The following LRBA variants were observed in gnomAD, a reference collection of about 807,000 sequenced individuals.
The protein encoded by LRBA is LPS responsive beige-like anchor protein.
Under a neutral mutation model 330.0 loss-of-function variants are expected in LRBA, and 176 were observed. That is an observed-to-expected ratio of 0.53 (90% CI 0.47 to 0.60). The LOEUF (loss-of-function observed/expected upper bound fraction) is 0.60. LRBA is among the 20% of genes least tolerant of loss of function. LRBA has a pLI of 0.00. For missense variants in LRBA, 3,259 were observed against 3,444.8 expected (o/e 0.95, Z 1.35); for synonymous variants, 1,230 against 1,193.0 (o/e 1.03, Z -0.64).
chr4:150,813,596 C>T (rs971330724), intron 31 of LRBA, among the ~76,000 whole-genome samples: 3 of 151,868 alleles, frequency 2.0e-5, no homozygotes, highest in African/African-American at 7.3e-5. Flanking sequence ...AAAGCTTGGA[C>T]CTCATATAAA....
rs367716403 is a variant in LRBA at position 150,844,086 on chromosome 4, A to G, written c.4569+14T>C. On this transcript the variant is annotated intron_variant, in intron 28 of 56. Coordinates refer to ENST00000651943, the MANE Select transcript of LRBA (RefSeq NM_001364905.1). ...TCAGTTAAGAGAGTATGTGAAAGAC[A>G]TATTGTAACTTACTATGTCTCTGAA... 1.4e-6 allele frequency: 2 copies of G among 1,470,092 alleles called. No homozygotes were observed. The highest frequency in any genetic ancestry group is 1.9e-6 in the Non-Finnish European group (2 of 1,052,236). The allele number at this position is 1,470,092 out of a possible 1,614,324, so 91.1% of individuals were successfully genotyped here. A position where few individuals can be genotyped will look rare whatever the true frequency, so the allele number is the denominator to read the frequency against.
intron 48 of LRBA, among the ~76,000 whole-genome samples, chr4:150,334,249 G>T (rs1734344594): frequency 6.6e-6 from 1 of 151,774 alleles, no homozygotes; most frequent in Non-Finnish European, 1.5e-5. Flanking sequence ...TCAAGAAAAT[G>T]GATACACCAG....
At chr4:150,849,226 TA>T (rs1486268014) in intron 25 of LRBA, among the ~76,000 whole-genome samples, 195 bp downstream of exon 25, 2 of 152,182 alleles carry the variant, frequency 1.3e-5, no homozygotes, top group African/African-American at 4.8e-5. Context: ...AGCTGACTCA[TA>T]CTTAGGGAAT....
chr4:150,809,043 A>G (rs1483357153), intron 31 of LRBA, among the ~76,000 whole-genome samples: 2 of 152,338 alleles, frequency 1.3e-5, no homozygotes, highest in Non-Finnish European at 2.9e-5. Context: ...AAGCATCTGC[A>G]TCAGGCTGGA....
chr4:150,529,709 G>A (rs1402270375), intron 40 of LRBA, among the ~76,000 whole-genome samples: 3 of 146,834 alleles, frequency 2.0e-5, no homozygotes, highest in South Asian at 2.1e-4. Context: ...GCTACAGAGC[G>A]AGACTCCATC....
At chr4:150,961,301 T>A (rs910657583) in intron 2 of LRBA, among the ~76,000 whole-genome samples, 1 of 149,172 alleles carries the variant, frequency 6.7e-6, no homozygotes, top group Non-Finnish European at 1.5e-5. Context: ...GAGAATGTCC[T>A]TAAAAAGAAC....
chr4:150,684,830 A>C (rs1210618272), intron 36 of LRBA, among the ~76,000 whole-genome samples: 1 of 152,090 alleles, frequency 6.6e-6, no homozygotes, highest in African/African-American at 2.4e-5. Flanking sequence ...CGGAATATGC[A>C]TTGTGGATGC....
chr4:150,653,927 TA>T (rs1779937328), intron 37 of LRBA, among the ~76,000 whole-genome samples: 1 of 152,230 alleles, frequency 6.6e-6, no homozygotes, highest in Non-Finnish European at 1.5e-5. Flanking sequence ...AAGTTCAGAG[TA>T]ACAATAGCAA....
intron 40 of LRBA, among the ~76,000 whole-genome samples, chr4:150,540,944 A>C (rs2152224099): frequency 6.6e-6 from 1 of 152,346 alleles, no homozygotes; most frequent in South Asian, 2.1e-4. Flanking sequence ...GCTAATATAG[A>C]GCAGCGGAAA....
chr4:151,005,077 T>G (rs1743853659), intron 2 of LRBA, among the ~76,000 whole-genome samples: 1 of 150,772 alleles, frequency 6.6e-6, no homozygotes, highest in Non-Finnish European at 1.5e-5. Flanking sequence ...GATGTTAAAC[T>G]TACACAAACT....
chr4:150,438,116 T>A (rs1317438300), intron 44 of LRBA, among the ~76,000 whole-genome samples: 1 of 152,126 alleles, frequency 6.6e-6, no homozygotes, highest in African/African-American at 2.4e-5. Flanking sequence ...CTCTAGAAAA[T>A]CTCTATTCCG....
chr4:150,448,170 G>A (rs907771940), intron 44 of LRBA, among the ~76,000 whole-genome samples: 1 of 152,136 alleles, frequency 6.6e-6, no homozygotes, highest in African/African-American at 2.4e-5. Context: ...ACAAGGCAAA[G>A]GATTTGTCAA....
chr4:150,491,081 TTTG>T (rs1013757196), intron 40 of LRBA, 46 bp from the exon 41 acceptor site: 7 of 876,408 alleles, frequency 8.0e-6, no homozygotes, highest in Non-Finnish European at 1.2e-5. Flanking sequence ...ATACTTGTTT[TTTG>T]TTGTTGTTTC....
At chr4:150,559,875 T>A (rs1216356589) in intron 40 of LRBA, among the ~76,000 whole-genome samples, 1 of 18,726 alleles carries the variant, frequency 5.3e-5, no homozygotes, top group African/African-American at 1.4e-4. Context: ...TAATATATAA[T>A]TATATATAAT....
chr4:150,821,115 A>G (rs186513432), intron 30 of LRBA, among the ~76,000 whole-genome samples: 1 of 152,248 alleles, frequency 6.6e-6, no homozygotes, highest in Non-Finnish European at 1.5e-5. Flanking sequence ...ATCTTTTTTA[A>G]TGTTTAAGAA....
At chr4:150,323,332 ACT>A (rs771987146) in intron 49 of LRBA, among the ~76,000 whole-genome samples, 3 of 152,188 alleles carry the variant, frequency 2.0e-5, no homozygotes, top group Non-Finnish European at 4.4e-5. Flanking sequence ...CAATTTATAA[ACT>A]CAGAGAAAAT....
intron 39 of LRBA, among the ~76,000 whole-genome samples, chr4:150,589,225 G>A (rs1480317966): frequency 6.6e-6 from 1 of 152,162 alleles, no homozygotes; most frequent in Non-Finnish European, 1.5e-5. Flanking sequence ...TGCCTATTCA[G>A]GTAATCAATG....
chr4:150,864,159 A>G (rs1262306378), intron 22 of LRBA, among the ~76,000 whole-genome samples: 2 of 151,896 alleles, frequency 1.3e-5, no homozygotes, highest in African/African-American at 2.4e-5. Context: ...GATGATCTCA[A>G]TCTCTTGGCC....
intron 2 of LRBA, among the ~76,000 whole-genome samples, chr4:150,948,626 AT>A (rs1478138454): frequency 1.3e-5 from 2 of 152,082 alleles, no homozygotes; most frequent in African/African-American, 4.8e-5. Flanking sequence ...AAAATTAAAA[AT>A]TCTGCTCACC....
Sources: gnomAD v4.1 joint callset for allele counts (sites outside exome capture counted in the v4.1 genomes callset) on GRCh38, gnomAD v4.1.1 for gene constraint, MANE v1.5 for transcripts, NCBI Gene and HGNC (gene_info 2026-07-23, HGNC 2026-07-21) for gene names.